The following KPNA5 variants were observed in gnomAD, a reference collection of about 807,000 sequenced individuals.
KPNA5 encodes importin subunit alpha-6.
A neutral mutation model predicts 71.3 loss-of-function variants in KPNA5; 46 were observed. The ratio of observed to expected loss-of-function variants is 0.65; its 90% CI spans 0.51 to 0.83. KPNA5 has a LOEUF of 0.83. Ranked by LOEUF, KPNA5 falls within the 40% of genes least tolerant of loss-of-function variation. KPNA5 has a pLI of 0.00. For missense variants in KPNA5, 547 were observed against 628.3 expected (o/e 0.87, Z 1.38); for synonymous variants, 207 against 201.4 (o/e 1.03, Z -0.24).
intron 12 of KPNA5, among the ~76,000 whole-genome samples, chr6:116,728,978 A>G (rs1288300931): frequency 1.3e-5 from 2 of 152,112 alleles, no homozygotes; most frequent in East Asian, 1.9e-4. Flanking sequence ...TTTTTTGTGA[A>G]TATTATTTAT....
At chr6:116,701,294 A>G (rs139028615) in intron 5 of KPNA5, among the ~76,000 whole-genome samples, 38 of 152,276 alleles carry the variant, frequency 2.5e-4, no homozygotes, top group African/African-American at 8.9e-4. Context: ...TTTAAACTAT[A>G]TTCACTGCTT....
In KPNA5 at chr6:116,734,761, A is replaced by G. The variant is rs1315206444; in HGVS notation, c.*2438A>G. The G allele has an allele frequency of 6.6e-6, 1 of 151,334 alleles. No individual in the cohort carries two copies. The highest frequency in any genetic ancestry group is 1.5e-5 in the Non-Finnish European group (1 of 67,606). 9.4% of individuals were successfully genotyped at this position (151,334 alleles called of 1,614,324 possible). On this transcript the variant is annotated 3_prime_UTR_variant, in exon 14 of 14. Coordinates refer to ENST00000368564, the MANE Select transcript of KPNA5 (RefSeq NM_001366306.2). ...GAAAGAAAAGAAAAAAATAAATAAAATGCTCCAAAAAGTGTTTTCAGTAGT... is the reference window on the plus strand; with the variant it reads ...GAAAGAAAAGAAAAAAATAAATAAAGTGCTCCAAAAAGTGTTTTCAGTAGT...
chr6:116,698,644 G>T, intron 4 of KPNA5, 60 bp from the exon 5 acceptor site: 1 of 939,784 alleles, frequency 1.1e-6, no homozygotes, highest in Non-Finnish European at 1.7e-6. Context: ...AATGGACACA[G>T]GGACTAGATT....
chr6:116,701,306 G>A (rs78997681), intron 5 of KPNA5, among the ~76,000 whole-genome samples: 2,865 of 152,066 alleles, frequency 0.019, 88 homozygotes, highest in African/African-American at 0.066. Context: ...TCACTGCTTA[G>A]TTTGCCTGTG....
chr6:116,726,692 A>ATT (rs1336025213), intron 12 of KPNA5, 70 bp downstream of exon 12: 1 of 1,264,412 alleles, frequency 7.9e-7, no homozygotes, highest in African/African-American at 1.6e-5. Flanking sequence ...ACATATTTTA[A>ATT]TTTACTGATG....
At position 116,719,487 on chromosome 6, in the gene KPNA5, T is replaced by G. The variant is rs113998631; in HGVS notation, c.757-2639T>G. Among the ~76,000 whole-genome samples the G allele has an allele frequency of 4.1e-3, 626 of 152,266 alleles. 4 individuals are homozygous for G. Among genetic ancestry groups the G allele is most frequent in the African/African-American group, 0.014 (589 of 41,524 alleles). On this transcript the variant is annotated intron_variant, in intron 8 of 13. Transcript: ENST00000368564. ...CATTCAGTTTTTTTAGAGACAGATT[T>G]TGCATTCTTTTGCTGGAAGATGGGT...
At chr6:116,692,516 C>A in intron 4 of KPNA5, 124 bp downstream of exon 4, 1 of 623,062 alleles carries the variant, frequency 1.6e-6, no homozygotes, top group Non-Finnish European at 2.8e-6. Context: ...ATATTCTCTG[C>A]AAAATATATT....
chr6:116,707,529 C>T (rs1008235422), intron 7 of KPNA5, among the ~76,000 whole-genome samples: 4 of 152,188 alleles, frequency 2.6e-5, no homozygotes, highest in Non-Finnish European at 5.9e-5. Context: ...TATCGGAACA[C>T]AGTCACACCT....
chr6:116,692,573 T>C (rs891508930), intron 4 of KPNA5, among the ~76,000 whole-genome samples, 181 bp downstream of exon 4: 2 of 152,126 alleles, frequency 1.3e-5, no homozygotes, highest in African/African-American at 4.8e-5. Flanking sequence ...AAGTAACATA[T>C]GTTGACTGTA....
rs372857837 is a variant in KPNA5 at position 116,732,231 on chromosome 6, G to T, written c.1528G>T (p.Asp510Tyr). Residue 510 changes from aspartate (D) to tyrosine (Y), a missense_variant, in exon 14 of 14, where the codon GAT becomes TAT. Physicochemically the swap from Asp to Tyr is radical, Grantham distance 160. Coordinates refer to ENST00000368564, the MANE Select transcript of KPNA5 (RefSeq NM_001366306.2). ...LIEHYFGVEE[D>Y]DPSIVPQVDE... is the part of the protein sequence containing the mutation. ...TGAACATTACTTTGGTGTAGAAGAA[G>T]ATGACCCCAGCATTGTACCTCAGGT... 1 of 1,594,990 alleles carries T rather than the reference G, an allele frequency of 6.3e-7. No homozygotes were observed. Among genetic ancestry groups the T allele is most frequent in the African/African-American group, 1.4e-5 (1 of 73,544 alleles).
In KPNA5 at chr6:116,741,569, T is replaced by C. The variant is rs1353063619; in HGVS notation, c.*9246T>C. The C allele has an allele frequency of 6.5e-6, 1 of 152,782 alleles. No homozygotes were observed. Among genetic ancestry groups the C allele is most frequent in the Non-Finnish European group, 1.5e-5 (1 of 68,016 alleles). 9.5% of individuals were successfully genotyped at this position (152,782 alleles called of 1,614,324 possible). ...AGCCATATTATGCCAAGAGGAAAAA[T>C]ATCATGATCATATTGAAAGATCAAG... On this transcript the variant is annotated 3_prime_UTR_variant, in exon 14 of 14. Coordinates refer to ENST00000368564, the MANE Select transcript of KPNA5 (RefSeq NM_001366306.2).
chr6:116,722,171 G>T lies in KPNA5; in HGVS notation c.802G>T (p.Asp268Tyr). 1 of 1,611,174 alleles carries T rather than the reference G, an allele frequency of 6.2e-7. No individual in the cohort carries two copies. The highest frequency in any genetic ancestry group is 8.5e-7 in the Non-Finnish European group (1 of 1,178,318). Residue 268 changes from aspartate to tyrosine, a missense_variant, in exon 9 of 14, where the codon GAC becomes TAC. Coordinates refer to ENST00000368564, the MANE Select transcript of KPNA5 (RefSeq NM_001366306.2). The stretch of plus-strand genomic sequence containing the variant: ...CCTGTCACGACTGTTGTTTAGCAGT[G>T]ACCCAGATGTGTTAGCAGACGTGTG... ...NVLSRLLFSS[D>Y]PDVLADVCWA...
Position 116,725,890 on chromosome 6 carries a change from A to G in KPNA5, c.1125+14A>G. ...GCTCAGATTCAGGTAACTACCCTTC[A>G]GATCTGAGAGTAGAACAGCAAGGTC... On this transcript the variant is annotated intron_variant, in intron 11 of 13. Coordinates refer to ENST00000368564, the MANE Select transcript of KPNA5 (RefSeq NM_001366306.2). 1 of 1,609,750 alleles carries G rather than the reference A, an allele frequency of 6.2e-7. No homozygotes were observed. The highest frequency in any genetic ancestry group is 2.2e-5 in the East Asian group (1 of 44,782).
intron 4 of KPNA5, among the ~76,000 whole-genome samples, chr6:116,695,506 C>T (rs75970178): frequency 0.017 from 2,572 of 152,136 alleles, 79 homozygotes; most frequent in African/African-American, 0.058. Flanking sequence ...GTTTTGAAAA[C>T]GCCCTTAGCT....
intron 2 of KPNA5, among the ~76,000 whole-genome samples, chr6:116,690,795 T>C (rs1777770603): frequency 6.6e-6 from 1 of 152,186 alleles, no homozygotes; most frequent in Non-Finnish European, 1.5e-5. Context: ...GATGCTCAGG[T>C]CCTTTATGTA....
At chr6:116,709,948 A>G (rs1235204698) in intron 7 of KPNA5, among the ~76,000 whole-genome samples, 1 of 151,952 alleles carries the variant, frequency 6.6e-6, no homozygotes, top group African/African-American at 2.4e-5. Context: ...TTTAGTAGAG[A>G]CAGGGTTTCA....
chr6:116,723,184 C>T (rs1028762429), intron 9 of KPNA5, among the ~76,000 whole-genome samples: 10 of 151,896 alleles, frequency 6.6e-5, no homozygotes, highest in African/African-American at 1.9e-4. Context: ...TTCCTGTTAT[C>T]GGAGAATAGA....
At chr6:116,716,439 A>G (rs953067614) in intron 8 of KPNA5, 121 bp downstream of exon 8, 5 of 706,296 alleles carry the variant, frequency 7.1e-6, no homozygotes, top group Admixed American at 2.7e-5. Flanking sequence ...TTATTGACCA[A>G]TGTTTGCACA....
In KPNA5 at chr6:116,703,199, C is replaced by T. The variant is rs1417977181; in HGVS notation, c.567+1049C>T. ...TATTGTGATGAATATCATTATATGT[C>T]ATCACTCTTTATGTACCTTTTGATT... On this transcript the variant is annotated intron_variant, in intron 6 of 13. Transcript: ENST00000368564. Among the ~76,000 whole-genome samples the T allele has an allele frequency of 2.6e-5, 4 of 151,724 alleles. No homozygotes were observed. In the East Asian group the frequency reaches 7.7e-4, roughly 29 times the overall value.
Sources: allele counts gnomAD v4.1 joint callset (sites outside exome capture counted in the v4.1 genomes callset), GRCh38; gene constraint gnomAD v4.1.1; transcripts MANE v1.5; gene names NCBI Gene and HGNC (gene_info 2026-07-23, HGNC 2026-07-21).